TMEM163: variants seen among roughly 807,000 people sequenced by gnomAD.
TMEM163 encodes the protein transmembrane protein 163.
TMEM163 carries 17 observed loss-of-function variants against 29.3 expected under a neutral mutation model. That is an observed-to-expected ratio of 0.58 (90% confidence interval 0.40 to 0.87). The LOEUF is 0.87. Ranked by LOEUF, TMEM163 falls within the 40% of genes least tolerant of loss-of-function variation. TMEM163 has a pLI of 0.00. For missense variants in TMEM163, 303 were observed against 381.5 expected (o/e 0.79, Z 1.71); for synonymous variants, 157 against 160.6 (o/e 0.98, Z 0.17).
Position 134,524,405 on chromosome 2 carries a change from G to A in TMEM163, c.459-21408C>T, listed in dbSNP as rs563816643. On this transcript the variant is annotated intron_variant, in intron 4 of 7. Coordinates refer to ENST00000281924, the MANE Select transcript of TMEM163 (RefSeq NM_030923.5). ...AAATTTTAAGTTCTGGGATACATGC[G>A]CAGGACGTGCAAGTTTGTTACATAG... Among the ~76,000 whole-genome samples the A allele has an allele frequency of 3.8e-4, 52 of 135,562 alleles. 3 individuals carry two copies. Among genetic ancestry groups the A allele is most frequent in the African/African-American group, 1.1e-3 (41 of 37,352 alleles). 88.9% of individuals were successfully genotyped at this position (135,562 alleles called of 152,430 possible).
chr2:134,596,054 C>T (rs1682073062), intron 2 of TMEM163, among the ~76,000 whole-genome samples: 1 of 152,170 alleles, frequency 6.6e-6, no homozygotes, highest in Non-Finnish European at 1.5e-5. Context: ...TTCTCCCATT[C>T]TGTAGGTTGC....
chr2:134,588,537 A>T (rs1681868859), intron 2 of TMEM163, among the ~76,000 whole-genome samples: 1 of 152,176 alleles, frequency 6.6e-6, no homozygotes, highest in Non-Finnish European at 1.5e-5. Context: ...GCACTGAACC[A>T]GCATGTGCCA....
chr2:134,662,791 A>G (rs1258517636), intron 2 of TMEM163, among the ~76,000 whole-genome samples: 1 of 152,176 alleles, frequency 6.6e-6, no homozygotes, highest in Non-Finnish European at 1.5e-5. Flanking sequence ...GCATGCTTTC[A>G]TATCTCTGGG....
chr2:134,624,441 A>G (rs1297340429), intron 2 of TMEM163, among the ~76,000 whole-genome samples: 3 of 152,160 alleles, frequency 2.0e-5, no homozygotes, highest in Admixed American at 2.0e-4. Flanking sequence ...GGGGAACGAC[A>G]CACACTGGGA....
chr2:134,700,448 C>A (rs936853582), intron 2 of TMEM163, among the ~76,000 whole-genome samples: 1 of 152,194 alleles, frequency 6.6e-6, no homozygotes, highest in Admixed American at 6.5e-5. Context: ...GAGTTCGATT[C>A]TCTAGTTATT....
Position 134,455,774 on chromosome 2 carries a change from G to A in TMEM163, c.*942C>T, listed in dbSNP as rs549395120. On this transcript the variant is annotated 3_prime_UTR_variant, in exon 8 of 8. Coordinates refer to ENST00000281924, the MANE Select transcript of TMEM163 (RefSeq NM_030923.5). ...TGCCTTCCCATGCCATACAAAACAG[G>A]TAAAGGTCTTTATTGGTCAGCCACT... 2 of 152,422 alleles carry A rather than the reference G, an allele frequency of 1.3e-5. No individual in the cohort carries two copies. Among genetic ancestry groups the A allele is most frequent in the South Asian group, 2.1e-4 (1 of 4,828 alleles). 9.4% of individuals were successfully genotyped at this position (152,422 alleles called of 1,614,324 possible).
intron 2 of TMEM163, among the ~76,000 whole-genome samples, chr2:134,577,754 C>T (rs1287532698): frequency 1.3e-5 from 2 of 151,592 alleles, no homozygotes; most frequent in Non-Finnish European, 2.9e-5. Context: ...TTACAGTCAG[C>T]CCTTCTCTGT....
At chr2:134,562,045 G>T (rs534311813) in intron 2 of TMEM163, among the ~76,000 whole-genome samples, 2 of 152,134 alleles carry the variant, frequency 1.3e-5, no homozygotes, top group Non-Finnish European at 2.9e-5. Context: ...CAGAACTTTC[G>T]CATTTTATCT....
At chr2:134,508,621 G>C (rs540862200) in intron 4 of TMEM163, among the ~76,000 whole-genome samples, 1 of 152,056 alleles carries the variant, frequency 6.6e-6, no homozygotes, top group South Asian at 2.1e-4. Context: ...AAGCCAAACC[G>C]GCACCATCTG....
At position 134,715,447 on chromosome 2, in the gene TMEM163, T is replaced by C. The variant is rs983254224; in HGVS notation, c.203-2128A>G. ...GGGCCTGTGTGTGCCTCCTCCGTGA[T>C]ATTTTTAAAATTAAAAAATAAAATG... is the stretch of plus-strand genomic sequence containing the variant. On this transcript the variant is annotated intron_variant, in intron 1 of 7. Coordinates refer to ENST00000281924, the MANE Select transcript of TMEM163 (RefSeq NM_030923.5). Among the ~76,000 whole-genome samples, 6 of 152,336 alleles carry C rather than the reference T, an allele frequency of 3.9e-5. 1 individual carries two copies. In the South Asian group the frequency reaches 6.2e-4, roughly 16 times the overall value.
At position 134,570,483 on chromosome 2, in the gene TMEM163, T is replaced by TATACAC. The variant is rs1681396602; in HGVS notation, c.323-18393_323-18392insGTGTAT. On this transcript the variant is annotated intron_variant, in intron 2 of 7. Transcript: ENST00000281924. Reference sequence around the variant, plus strand: ...TACTACATATATATATACATATACATATACATATACATATACATATACATA... The same window carrying TATACAC: ...TACTACATATATATATACATATACATATACACATACATATACATATACATATACATA... Among the ~76,000 whole-genome samples, 11 of 90,552 alleles carry TATACAC rather than the reference T, an allele frequency of 1.2e-4. No homozygotes were observed. The Admixed American group carries it at 1.3e-3, about 10-fold the overall frequency. 59.4% of individuals were successfully genotyped at this position (90,552 alleles called of 152,430 possible). A position where few individuals can be genotyped will look rare whatever the true frequency, so the allele number is the denominator to read the frequency against.
intron 2 of TMEM163, among the ~76,000 whole-genome samples, chr2:134,698,002 A>T (rs908036222): frequency 6.6e-6 from 1 of 152,158 alleles, no homozygotes; most frequent in Admixed American, 6.5e-5. Context: ...TGATCCTTGA[A>T]CATTCATAAA....
chr2:134,707,182 T>G (rs558636019), intron 2 of TMEM163, among the ~76,000 whole-genome samples: 6 of 152,286 alleles, frequency 3.9e-5, no homozygotes, highest in African/African-American at 1.4e-4. Context: ...AGGAAAACAT[T>G]CCTGCAGATT....
At chr2:134,586,303 T>G (rs1681823375) in intron 2 of TMEM163, among the ~76,000 whole-genome samples, 1 of 152,194 alleles carries the variant, frequency 6.6e-6, no homozygotes, top group South Asian at 2.1e-4. Context: ...GCTAGAAGTC[T>G]AAAATCAAGG....
chr2:134,636,062 T>G (rs1243485402), intron 2 of TMEM163, among the ~76,000 whole-genome samples: 1 of 152,200 alleles, frequency 6.6e-6, no homozygotes, highest in Admixed American at 6.5e-5. Context: ...TTCCTTTCCC[T>G]TCCCCCATGG....
chr2:134,483,147 C>T (rs1189187003), intron 5 of TMEM163, among the ~76,000 whole-genome samples: 1 of 152,172 alleles, frequency 6.6e-6, no homozygotes, highest in East Asian at 1.9e-4. Flanking sequence ...CATAGCCCAG[C>T]TTCTGGTCAA....
At chr2:134,560,697 G>GA (rs1172872804) in intron 2 of TMEM163, among the ~76,000 whole-genome samples, 2 of 152,054 alleles carry the variant, frequency 1.3e-5, no homozygotes, top group Non-Finnish European at 2.9e-5. Context: ...AGTATAACAG[G>GA]AAAAAAATCC....
intron 2 of TMEM163, among the ~76,000 whole-genome samples, chr2:134,595,132 A>C (rs920333785): frequency 6.6e-6 from 1 of 151,266 alleles, no homozygotes; most frequent in Non-Finnish European, 1.5e-5. Flanking sequence ...TTTTTATTAC[A>C]CTTTAAGTTC....
intron 2 of TMEM163, among the ~76,000 whole-genome samples, chr2:134,711,490 C>T (rs1573556119): frequency 6.6e-6 from 1 of 152,106 alleles, no homozygotes; most frequent in East Asian, 1.9e-4. Flanking sequence ...ATTTTATTGG[C>T]TAGAAGTTAG....
Sources: gnomAD v4.1 joint callset for allele counts (sites outside exome capture counted in the v4.1 genomes callset) on GRCh38, gnomAD v4.1.1 for gene constraint, MANE v1.5 for transcripts, NCBI Gene and HGNC (gene_info 2026-07-23, HGNC 2026-07-21) for gene names.